SLCO5A1: variants seen among roughly 807,000 people sequenced by gnomAD.
SLCO5A1 encodes the protein organic anion transporter polypeptide-related protein 4.
In SLCO5A1, 39 loss-of-function variants were observed where a neutral mutation model predicts 65.1. That is an observed-to-expected ratio of 0.60 (90% CI 0.46 to 0.78). SLCO5A1 has a LOEUF of 0.78. Among genes scored for constraint, SLCO5A1 ranks in the 30% least tolerant of loss-of-function variants. The pLI, the probability that SLCO5A1 is intolerant of heterozygous loss-of-function variation, is 0.00. For missense variants in SLCO5A1, 1,029 were observed against 1,069.4 expected, an observed-to-expected ratio of 0.96 and a Z score of 0.53; for synonymous variants, 438 against 415.7, an observed-to-expected ratio of 1.05 and a Z score of -0.65.
intron 5 of SLCO5A1, chr8:69,713,521 A>G (rs2959561): frequency 0.64 from 96,759 of 152,094 alleles, 31,352 homozygotes; most frequent in African/African-American, 0.75. Context: ...ACAACTGCAT[A>G]CACACACAGA....
intron 2 of SLCO5A1, among the ~76,000 whole-genome samples, chr8:69,763,892 G>A (rs968208275): frequency 4.6e-5 from 7 of 150,868 alleles, no homozygotes; most frequent in African/African-American, 9.7e-5. Flanking sequence ...TTTTTGAGAC[G>A]GATTCTCTGT....
chr8:69,763,965 A>G (rs1021301529), intron 2 of SLCO5A1, among the ~76,000 whole-genome samples: 7 of 152,126 alleles, frequency 4.6e-5, no homozygotes, highest in Admixed American at 1.3e-4. Flanking sequence ...CCCCGGTTCA[A>G]GCGATTCTCT....
intron 4 of SLCO5A1, among the ~76,000 whole-genome samples, chr8:69,749,528 G>C (rs550122119): frequency 1.3e-5 from 2 of 151,980 alleles, no homozygotes; most frequent in South Asian, 4.1e-4. Context: ...TGAGGCAGGA[G>C]AATCACTTGA....
intron 6 of SLCO5A1, chr8:69,700,400 T>TTCTTTGGTCAAA (rs1161487959): frequency 1.3e-5 from 2 of 152,150 alleles, no homozygotes; most frequent in Non-Finnish European, 2.9e-5. Flanking sequence ...AGGAGGATCA[T>TTCTTTGGTCAAA]TCTTTGGTCA....
At chr8:69,732,360 CTA>C (rs1199332949) in intron 5 of SLCO5A1, among the ~76,000 whole-genome samples, 1 of 152,156 alleles carries the variant, frequency 6.6e-6, no homozygotes, top group African/African-American at 2.4e-5. Flanking sequence ...AGCTCTAACT[CTA>C]TAATTGTACA....
chr8:69,769,148 A>G (rs1035584987), intron 2 of SLCO5A1, among the ~76,000 whole-genome samples: 2 of 152,044 alleles, frequency 1.3e-5, no homozygotes, highest in Admixed American at 1.3e-4. Context: ...TACACTCCCC[A>G]TCCTTGAGAG....
intron 5 of SLCO5A1, among the ~76,000 whole-genome samples, chr8:69,737,196 T>C (rs1047524696): frequency 1.3e-5 from 2 of 152,232 alleles, no homozygotes; most frequent in African/African-American, 2.4e-5. Flanking sequence ...ACAGTGATGC[T>C]TGTTCATTTT....
At chr8:69,794,589 C>T (rs555601551) in intron 2 of SLCO5A1, 33 of 319,832 alleles carry the variant, frequency 1.0e-4, no homozygotes, top group East Asian at 4.1e-4. Context: ...CTTAGATTAC[C>T]GGTTTGGAAA....
chr8:69,680,991 C>A (rs778215981), intron 7 of SLCO5A1, among the ~76,000 whole-genome samples: 2 of 152,118 alleles, frequency 1.3e-5, no homozygotes, highest in South Asian at 2.1e-4. Context: ...CAAAAGACTG[C>A]TGGCATATTT....
In SLCO5A1 at chr8:69,831,925, G is replaced by C. The variant is rs766752852; in HGVS notation, c.749C>G (p.Ala250Gly). The C allele has an allele frequency of 6.2e-7, 1 of 1,603,062 alleles. No individual in the cohort carries two copies. Among genetic ancestry groups the C allele is most frequent in the South Asian group, 1.1e-5 (1 of 89,536 alleles). The change falls in exon 2 of 10, where the codon GCC becomes GGC. Residue 250 changes from alanine to glycine, a missense_variant. Around this residue, in one of 3 missense-constraint regions of SLCO5A1, gnomAD observed 647 missense variants for 647.5 expected, o/e 1.00. Coordinates refer to ENST00000260126, the MANE Select transcript of SLCO5A1 (RefSeq NM_030958.3). ...ATTTCCTCCCGAGTCCTTCGGACAGGCCGGAGGCTCCAAAGTGGCGGTGGA... is the reference window on the plus strand; with the variant it reads ...ATTTCCTCCCGAGTCCTTCGGACAGCCCGGAGGCTCCAAAGTGGCGGTGGA... ...GNSTATLEPPACPKDSGGNNH... is the reference protein window; with the variant it reads ...GNSTATLEPPGCPKDSGGNNH...
intron 6 of SLCO5A1, among the ~76,000 whole-genome samples, chr8:69,701,420 C>T (rs1031600574): frequency 6.6e-6 from 1 of 152,084 alleles, no homozygotes. Context: ...ACTCATTATA[C>T]CTCTCCAACA....
chr8:69,782,229 T>TAATA (rs201935282), intron 2 of SLCO5A1, among the ~76,000 whole-genome samples: 52 of 151,836 alleles, frequency 3.4e-4, no homozygotes, highest in East Asian at 9.7e-4. Context: ...ACTTAAAGTA[T>TAATA]AATAAATAAA....
intron 4 of SLCO5A1, among the ~76,000 whole-genome samples, chr8:69,740,189 T>C (rs142875579): frequency 5.9e-4 from 90 of 152,358 alleles, no homozygotes; most frequent in African/African-American, 2.1e-3. Flanking sequence ...TAAGTTCCTT[T>C]CTTCTACCTT....
At position 69,748,970 on chromosome 8, in the gene SLCO5A1, T is replaced by G. The variant is rs578082396; in HGVS notation, c.1258+6454A>C. Among the ~76,000 whole-genome samples the G allele has an allele frequency of 2.0e-5, 3 of 152,104 alleles. No homozygotes were observed. In the South Asian group the frequency reaches 6.2e-4, roughly 32 times the overall value. ...CTGAGCAACCATCCTATGGCAAGTA[T>G]GGGGAATTCAAGCAGCAGCTTTCAA... On this transcript the variant is annotated intron_variant, in intron 4 of 9. Coordinates refer to ENST00000260126, the MANE Select transcript of SLCO5A1 (RefSeq NM_030958.3).
At chr8:69,722,070 G>A (rs1394302149) in intron 5 of SLCO5A1, among the ~76,000 whole-genome samples, 2 of 152,148 alleles carry the variant, frequency 1.3e-5, no homozygotes, top group Non-Finnish European at 2.9e-5. Flanking sequence ...TACTTGGGAG[G>A]CTGAGACAGG....
Position 69,672,814 on chromosome 8 carries a change from T to A in SLCO5A1, c.*55A>T. 1 of 1,538,864 alleles carries A rather than the reference T, an allele frequency of 6.5e-7. No homozygotes were observed. The highest frequency in any genetic ancestry group is 8.8e-7 in the Non-Finnish European group (1 of 1,142,748). ...AAAGAAAAGAAGGCACAGTTGTTTC[T>A]CAAGTCGCCATTTTCAATTCAACCA... On this transcript the variant is annotated 3_prime_UTR_variant, in exon 10 of 10. Transcript: ENST00000260126.
chr8:69,787,794 C>T (rs1252135445), intron 2 of SLCO5A1, among the ~76,000 whole-genome samples: 1 of 152,172 alleles, frequency 6.6e-6, no homozygotes, highest in Admixed American at 6.5e-5. Flanking sequence ...ATTATGAGAA[C>T]TGGTATATGC....
In SLCO5A1 at chr8:69,761,794, G is replaced by A; in HGVS notation, c.989C>T (p.Pro330Leu). ...GGLLIGFYVDPRNPVHLDQND... is the reference protein window; with the variant it reads ...GGLLIGFYVDLRNPVHLDQND... ...CTGGTCAAGGTGAACAGGATTTCTG[G>A]GATCAACATAAAAACCAATAAGAAG... Residue 330 changes from proline to leucine, a missense_variant, in exon 3 of 10, where the codon CCC becomes CTC. Transcript: ENST00000260126. The A allele has an allele frequency of 1.2e-6, 2 of 1,613,896 alleles. No homozygotes were observed. Among genetic ancestry groups the A allele is most frequent in the Non-Finnish European group, 1.7e-6 (2 of 1,179,954 alleles).
intron 2 of SLCO5A1, among the ~76,000 whole-genome samples, chr8:69,770,924 T>C (rs777573030): frequency 1.4e-4 from 22 of 152,228 alleles, no homozygotes; most frequent in Non-Finnish European, 3.2e-4. Context: ...CATTTTTAAC[T>C]TTCTCCTGCA....
Sources: allele counts gnomAD v4.1 joint callset (sites outside exome capture counted in the v4.1 genomes callset), GRCh38; gene constraint gnomAD v4.1.1; regional missense constraint gnomAD v4.1.1; transcripts MANE v1.5; gene names NCBI Gene and HGNC (gene_info 2026-07-23, HGNC 2026-07-21).